The following IDI2 variants were observed in gnomAD, a reference collection of about 807,000 sequenced individuals.
IDI2 encodes the protein isopentenyl-diphosphate delta-isomerase 2.
In IDI2, 18 loss-of-function variants were observed where a neutral mutation model predicts 14.8. The observed-to-expected ratio is 1.22, with a 90% CI of 0.84 to 1.80. The LOEUF (loss-of-function observed/expected upper bound fraction) is 1.80, where lower values mean the gene tolerates loss of function less well. IDI2 is among the 40% of genes most tolerant of loss of function. The pLI, the probability that IDI2 is intolerant of heterozygous loss-of-function variation, is 0.00. For missense variants in IDI2, 316 were observed against 283.2 expected, an observed-to-expected ratio of 1.12 and a Z score of -0.83; for synonymous variants, 133 against 109.6, an observed-to-expected ratio of 1.21 and a Z score of -1.33.
chr10:1,024,945 G>GT (rs1440151454), intron 1 of IDI2, among the ~76,000 whole-genome samples: 1 of 151,018 alleles, frequency 6.6e-6, no homozygotes, highest in Non-Finnish European at 1.5e-5. Flanking sequence ...GAAATCTTGG[G>GT]TACATACATA....
intron 3 of IDI2, among the ~76,000 whole-genome samples, chr10:1,022,035 A>G (rs992828304): frequency 5.3e-5 from 8 of 152,346 alleles, no homozygotes; most frequent in African/African-American, 1.9e-4. Context: ...CAAGACAGGC[A>G]TATCACGAGG....
chr10:1,021,794 A>G (rs1832106757), intron 3 of IDI2, among the ~76,000 whole-genome samples: 1 of 152,172 alleles, frequency 6.6e-6, no homozygotes, highest in Non-Finnish European at 1.5e-5. Flanking sequence ...GGCAGGATGT[A>G]CCCACTGCGG....
chr10:1,022,681 A>G lies in IDI2; in HGVS notation c.235+2T>C, dbSNP rs1289074401. ...GTCCGGGGCTTGGTTGAACGGACTC[A>G]CCAGGAAACGTGACTTTCGTGTCCG... On this transcript the variant is annotated splice_donor_variant, in intron 3 of 4. Coordinates refer to ENST00000277517, the MANE Select transcript of IDI2 (RefSeq NM_033261.3). LOFTEE classifies it high-confidence loss of function. The G allele has an allele frequency of 1.9e-6, 3 of 1,611,144 alleles. No homozygotes were observed. The highest frequency in any genetic ancestry group is 1.1e-5 in the South Asian group (1 of 91,004).
chr10:1,022,634 G>T, intron 3 of IDI2, 49 bp downstream of exon 3: 1 of 1,381,026 alleles, frequency 7.2e-7, no homozygotes. Flanking sequence ...CTCCGGTCAA[G>T]TCACATGAGA....
intron 4 of IDI2, among the ~76,000 whole-genome samples, chr10:1,020,168 G>T (rs890682832): frequency 6.6e-6 from 1 of 151,898 alleles, no homozygotes; most frequent in African/African-American, 2.4e-5. Context: ...TTCTTGAGTG[G>T]ATGAAGGTAA....
At chr10:1,024,770 C>G (rs12357207) in intron 1 of IDI2, 26 bp from the exon 2 acceptor site, 438,639 of 1,609,530 alleles carry the variant, frequency 0.27, 61,591 homozygotes, top group Middle Eastern at 0.35. Context: ...ACAAATGCCT[C>G]TTTATGTGAA....
intron 3 of IDI2, 85 bp downstream of exon 3, chr10:1,022,598 C>T: frequency 9.6e-7 from 1 of 1,038,718 alleles, no homozygotes; most frequent in Non-Finnish European, 1.5e-6. Context: ...CGGCACTGAG[C>T]ACCAGAGAGT....
rs767407623 is a variant in IDI2, at chr10:1,019,615, A to G, written c.586T>C (p.Trp196Arg). Reference sequence around the variant, plus strand: ...AACCTCTCGGCAATGGTTCTTAGCCAGGGGGTGACTTTGACTTCACCCCTC... The same window carrying G: ...AACCTCTCGGCAATGGTTCTTAGCCGGGGGGTGACTTTGACTTCACCCCTC... Reference protein sequence around the residue: ...EARGEVKVTPWLRTIAERFLY... With the variant: ...EARGEVKVTPRLRTIAERFLY... Residue 196 changes from tryptophan (W) to arginine (R), a missense_variant, in exon 5 of 5, where the codon TGG (tryptophan) becomes CGG (arginine). Trp to Arg is a moderately radical substitution (Grantham distance 101, BLOSUM62 -3). Transcript: ENST00000277517. 6.2e-7 allele frequency: 1 copy of G among 1,613,954 alleles called. No individual in the cohort carries two copies. The highest frequency in any genetic ancestry group is 1.7e-5 in the Admixed American group (1 of 59,992).
At chr10:1,023,492 A>G (rs2132186743) in intron 2 of IDI2, among the ~76,000 whole-genome samples, 1 of 151,528 alleles carries the variant, frequency 6.6e-6, no homozygotes, top group Admixed American at 6.6e-5. Flanking sequence ...AAAAAAAAAA[A>G]GAAGAATGAA....
At chr10:1,022,811 C>T (rs887674988) in intron 2 of IDI2, 36 bp from the exon 3 acceptor site, 11 of 1,456,134 alleles carry the variant, frequency 7.6e-6, no homozygotes, top group Non-Finnish European at 1.1e-5. Context: ...GAGTGCATGC[C>T]TGGAGTCTGT....
At chr10:1,021,585 T>G (rs1832102265) in intron 3 of IDI2, among the ~76,000 whole-genome samples, 1 of 152,226 alleles carries the variant, frequency 6.6e-6, no homozygotes. Flanking sequence ...CCTGCCCCTA[T>G]GTATCCTGGA....
At chr10:1,023,930 C>G (rs142711521) in intron 2 of IDI2, among the ~76,000 whole-genome samples, 2 of 151,906 alleles carry the variant, frequency 1.3e-5, no homozygotes, top group South Asian at 4.2e-4. Context: ...TCACATGTAC[C>G]CCATTAATAT....
chr10:1,022,532 A>G, intron 3 of IDI2, 151 bp downstream of exon 3: 1 of 611,174 alleles, frequency 1.6e-6, no homozygotes, highest in Non-Finnish European at 3.0e-6. Context: ...CAGCATAATT[A>G]GCATCTGCCT....
At position 1,022,680 on chromosome 10, in the gene IDI2, C is replaced by T; in HGVS notation, c.235+3G>A. Reference sequence around the variant, plus strand: ...AGTCCGGGGCTTGGTTGAACGGACTCACCAGGAAACGTGACTTTCGTGTCC... The same window carrying T: ...AGTCCGGGGCTTGGTTGAACGGACTTACCAGGAAACGTGACTTTCGTGTCC... On this transcript the variant is annotated splice_donor_region_variant and intron_variant, in intron 3 of 4. Transcript: ENST00000277517. 1 of 1,610,864 alleles carries T rather than the reference C, an allele frequency of 6.2e-7. No homozygotes were observed. The highest frequency in any genetic ancestry group is 2.2e-5 in the East Asian group (1 of 44,856).
Position 1,025,541 on chromosome 10 carries a change from C to CAA in IDI2, c.-22+273_-22+274dup, listed in dbSNP as rs34925490. 1.3e-4 allele frequency among the ~76,000 whole-genome samples: 14 copies of CAA among 103,818 alleles called. 1 individual carries two copies. In the South Asian group the frequency reaches 1.8e-3, roughly 14 times the overall value. The allele number at this position is 103,818 out of a possible 152,430, so 68.1% of individuals were successfully genotyped here. On this transcript the variant is annotated intron_variant, in intron 1 of 4. Transcript: ENST00000277517. Reference sequence around the variant, plus strand: ...GGGCAGACAGAGTGAGACTCTGTCTCAAAAAAAAAAAAAAAAAATGTTTTC... The same window carrying CAA: ...GGGCAGACAGAGTGAGACTCTGTCTCAAAAAAAAAAAAAAAAAAAATGTTTTC...
chr10:1,025,338 G>C (rs1832197472), intron 1 of IDI2, among the ~76,000 whole-genome samples: 1 of 152,178 alleles, frequency 6.6e-6, no homozygotes, highest in East Asian at 1.9e-4. Context: ...TCAAGAGTTT[G>C]AGACCAGCCT....
intron 3 of IDI2, among the ~76,000 whole-genome samples, chr10:1,021,907 G>T (rs924719547): frequency 2.5e-4 from 38 of 152,304 alleles, no homozygotes; most frequent in African/African-American, 9.1e-4. Context: ...AAAATTTGAG[G>T]ACAGCCTAGG....
At chr10:1,022,565 T>C (rs756766123) in intron 3 of IDI2, 118 bp downstream of exon 3, 2 of 755,776 alleles carry the variant, frequency 2.6e-6, no homozygotes, top group Non-Finnish European at 4.7e-6. Context: ...TTCTGCAGGA[T>C]GAGCTGCCAG....
chr10:1,022,259 CAAA>C (rs11384261), intron 3 of IDI2, among the ~76,000 whole-genome samples: 2 of 131,142 alleles, frequency 1.5e-5, no homozygotes, highest in Admixed American at 1.5e-4. Context: ...ACTCCATCTC[CAAA>C]AAAAAAAAAA....
Sources: allele counts gnomAD v4.1 joint callset (sites outside exome capture counted in the v4.1 genomes callset), GRCh38; gene constraint gnomAD v4.1.1; transcripts MANE v1.5; gene names NCBI Gene and HGNC (gene_info 2026-07-23, HGNC 2026-07-21).